Variants in SLC12A7 observed in about 807,000 individuals in gnomAD.
SLC12A7 encodes the protein solute carrier family 12 member 7.
A neutral mutation model predicts 120.6 loss-of-function variants in SLC12A7; 100 were observed. The ratio of observed to expected loss-of-function variants is 0.83; its 90% CI spans 0.71 to 0.98. The LOEUF (loss-of-function observed/expected upper bound fraction) is 0.98. SLC12A7 is among the 50% of genes least tolerant of loss of function. SLC12A7 has a pLI of 0.00. For synonymous variants in SLC12A7, 760 were observed against 678.0 expected, an observed-to-expected ratio of 1.12 and a Z score of -1.88; for missense variants, 1,373 against 1,548.1, an observed-to-expected ratio of 0.89 and a Z score of 1.90.
Position 1,094,175 on chromosome 5 carries a change from C to T in SLC12A7, c.198G>A (p.Gly66=), listed in dbSNP as rs765067908. Residue 66 remains glycine, a synonymous_variant, in exon 2 of 24, where the codon GGG becomes GGA. Transcript: ENST00000264930. ...VEVEQESFFE[G]KNMALFEEEM... is the part of the protein sequence containing the mutation. ...TTACCTCGAAAAGTGCCATGTTCTTCCCTTCAAAGAAGCTCTCTTGTTCCA... is the reference window on the plus strand; with the variant it reads ...TTACCTCGAAAAGTGCCATGTTCTTTCCTTCAAAGAAGCTCTCTTGTTCCA... The T allele has an allele frequency of 4.9e-5, 79 of 1,613,152 alleles. No individual in the cohort carries two copies. The highest frequency in any genetic ancestry group is 6.4e-5 in the Non-Finnish European group (75 of 1,179,426).
chr5:1,084,792 C>G (rs1239670637), intron 7 of SLC12A7, among the ~76,000 whole-genome samples: 6 of 152,170 alleles, frequency 3.9e-5, no homozygotes, highest in African/African-American at 1.4e-4. Flanking sequence ...CTGGTGGCCA[C>G]TCCCATGTTC....
the SLC12A7 span, among the ~76,000 whole-genome samples, chr5:1,135,291 T>C: frequency 2.0e-5 from 3 of 152,336 alleles, no homozygotes; most frequent in Admixed American, 2.0e-4. Context: ...CTGTGAGATT[T>C]TGACTAAACA....
chr5:1,090,541 G>A (rs1740380528), intron 3 of SLC12A7, among the ~76,000 whole-genome samples: 1 of 152,194 alleles, frequency 6.6e-6, no homozygotes, highest in South Asian at 2.1e-4. Context: ...AACCGGCTTT[G>A]GGACATTCTC....
chr5:1,065,571 TCCC>T (rs1247048930), intron 17 of SLC12A7, 93 bp from the exon 18 acceptor site: 2 of 1,002,874 alleles, frequency 2.0e-6, no homozygotes, highest in Non-Finnish European at 2.9e-6. Context: ...CCGCACCACC[TCCC>T]CTGTGGACCC....
At chr5:1,096,744 G>T (rs1222780989) in intron 1 of SLC12A7, among the ~76,000 whole-genome samples, 1 of 17,530 alleles carries the variant, frequency 5.7e-5, no homozygotes, top group Admixed American at 4.1e-4. Context: ...GGGAAGGGAG[G>T]GAAGGAAGGA....
chr5:1,075,502 G>T lies in SLC12A7; in HGVS notation c.1848-12C>A, dbSNP rs757800620. ...GAAAGGACAGGGTCCTGGGGGCGGG[G>T]CAAGTGGCTCGGGGCGGCCCAACGC... On this transcript the variant is annotated splice_polypyrimidine_tract_variant and intron_variant, in intron 14 of 23. Transcript: ENST00000264930. 1.9e-6 allele frequency: 3 copies of T among 1,606,914 alleles called. No individual in the cohort carries two copies. The highest frequency in any genetic ancestry group is 2.6e-6 in the Non-Finnish European group (3 of 1,175,652).
intron 21 of SLC12A7, among the ~76,000 whole-genome samples, chr5:1,057,948 C>G (rs573400730): frequency 6.6e-6 from 1 of 152,252 alleles, no homozygotes; most frequent in Non-Finnish European, 1.5e-5. Context: ...GAGTCTCCCC[C>G]TCACCTGACG....
chr5:1,087,040 A>G lies in SLC12A7; in HGVS notation c.545-7T>C. 3.1e-6 allele frequency: 5 copies of G among 1,609,214 alleles called. No individual in the cohort carries two copies. Among genetic ancestry groups the G allele is most frequent in the Non-Finnish European group, 4.2e-6 (5 of 1,177,670 alleles). On this transcript the variant is annotated splice_polypyrimidine_tract_variant and splice_region_variant and intron_variant, in intron 5 of 23. Transcript: ENST00000264930. ...ATGTAGTAGGACCCGCCAGCTGCGG[A>G]GACAAAGGCGGCAGCCGCGGGTCAG...
chr5:1,081,865 C>T (rs535438696), intron 8 of SLC12A7, 121 bp from the exon 9 acceptor site: 41 of 1,162,368 alleles, frequency 3.5e-5, no homozygotes, highest in East Asian at 3.5e-4. Flanking sequence ...ACAGCTTGTG[C>T]GCCGCAAGCA....
At chr5:1,121,640 A>C in the SLC12A7 span, among the ~76,000 whole-genome samples, 1 of 152,304 alleles carries the variant, frequency 6.6e-6, no homozygotes, top group South Asian at 2.1e-4. Flanking sequence ...GCAGGCAGGG[A>C]CAAGGGGGAG....
chr5:1,084,750 C>T (rs369431075), intron 7 of SLC12A7, among the ~76,000 whole-genome samples: 1 of 152,194 alleles, frequency 6.6e-6, no homozygotes, highest in Admixed American at 6.5e-5. Flanking sequence ...GGCTTGGCTG[C>T]TGGCCCTTTC....
intron 9 of SLC12A7, 128 bp from the exon 10 acceptor site, chr5:1,079,624 C>T: frequency 1.3e-6 from 1 of 748,060 alleles, no homozygotes; most frequent in South Asian, 1.6e-5. Context: ...GCCGAGGCTG[C>T]AGTCCAAGCT....
chr5:1,055,584 C>T (rs185798132), intron 22 of SLC12A7, among the ~76,000 whole-genome samples: 2 of 152,182 alleles, frequency 1.3e-5, no homozygotes, highest in African/African-American at 2.4e-5. Flanking sequence ...AAAGCCCACG[C>T]GTTGTCCATT....
chr5:1,110,464 A>G (rs1742912275), intron 1 of SLC12A7, among the ~76,000 whole-genome samples: 1 of 152,240 alleles, frequency 6.6e-6, no homozygotes, highest in African/African-American at 2.4e-5. Context: ...AGTAGAAGAG[A>G]CAAGAAAACG....
intron 3 of SLC12A7, among the ~76,000 whole-genome samples, chr5:1,089,425 G>GA (rs1267387640): frequency 6.6e-6 from 1 of 152,052 alleles, no homozygotes; most frequent in Non-Finnish European, 1.5e-5. Flanking sequence ...AAAAGTTATG[G>GA]AAAAAACAAG....
Position 1,064,244 on chromosome 5 carries a change from G to A in SLC12A7, c.2446C>T (p.Arg816Cys), listed in dbSNP as rs771447442. Residue 816 changes from arginine (R) to cysteine (C), a missense_variant, in exon 19 of 24, where the codon CGC becomes TGC. Physicochemically the swap from Arg to Cys is radical, Grantham distance 180. Transcript: ENST00000264930. ...FSWKNFVDTV[R>C]DTTAAHQALL... is the part of the protein sequence containing the mutation. ...GCCTGGTGCGCGGCGGTGGTGTCGC[G>A]GACGGTGTCTGCGGAGAGAGGCGGC... is the stretch of plus-strand genomic sequence containing the variant. The A allele has an allele frequency of 2.5e-5, 40 of 1,610,024 alleles. No individual in the cohort carries two copies. Among genetic ancestry groups the A allele is most frequent in the Middle Eastern group, 1.7e-4 (1 of 6,036 alleles).
rs929272094 is a variant in SLC12A7, at chr5:1,075,266, G to A, written c.1967+105C>T. ...AGCTGCCCCTGTGAGGGCACACGAC[G>A]CTCAAGCCCCAGGGAGGCCCCTCCA... On this transcript the variant is annotated intron_variant, in intron 15 of 23. Transcript: ENST00000264930. The A allele has an allele frequency of 4.8e-5, 70 of 1,468,728 alleles. No individual in the cohort carries two copies. In the Admixed American group the frequency reaches 1.2e-3, roughly 25 times the overall value. 91.0% of individuals were successfully genotyped at this position (1,468,728 alleles called of 1,614,324 possible).
At chr5:1,124,454 G>A in the SLC12A7 span, among the ~76,000 whole-genome samples, 144 of 152,312 alleles carry the variant, frequency 9.5e-4, no homozygotes, top group African/African-American at 3.1e-3. Context: ...CGACCTCTGC[G>A]CCAGCAAACA....
intron 1 of SLC12A7, among the ~76,000 whole-genome samples, chr5:1,105,801 T>G (rs1338036188): frequency 6.6e-6 from 1 of 152,158 alleles, no homozygotes; most frequent in African/African-American, 2.4e-5. Context: ...CCCAGCCAGC[T>G]GCTCACCAGG....
Sources: gnomAD v4.1 joint callset for allele counts (sites outside exome capture counted in the v4.1 genomes callset) on GRCh38, gnomAD v4.1.1 for gene constraint, MANE v1.5 for transcripts, NCBI Gene and HGNC (gene_info 2026-07-23, HGNC 2026-07-21) for gene names.